Variants in SULT1C3 observed in about 807,000 individuals in gnomAD.
SULT1C3 encodes sulfotransferase family 1C member 3, also known as sulfotransferase 1C3.
A neutral mutation model predicts 28.4 loss-of-function variants in SULT1C3; 31 were observed. That is an observed-to-expected ratio of 1.09 (90% CI 0.82 to 1.47). The LOEUF is 1.47. Ranked by LOEUF, SULT1C3 falls within the 40% of genes most tolerant of loss-of-function variation. The pLI is 0.00. For synonymous variants in SULT1C3, 106 were observed against 92.2 expected (o/e 1.15, Z -0.86); for missense variants, 307 against 272.5 (o/e 1.13, Z -0.89).
At chr2:108,250,548 A>T (rs1675704193) in intron 2 of SULT1C3, among the ~76,000 whole-genome samples, 1 of 151,420 alleles carries the variant, frequency 6.6e-6, no homozygotes. Context: ...AATCCTAGAG[A>T]TTCACCCCCA....
rs1350871306 is a variant in SULT1C3 at position 108,260,829 on chromosome 2, A to T, written c.*149A>T. ...TAGTTTGCTATAATATTAAAACATG[A>T]TTTAAAATATCAACAAACCAGTTAC... On this transcript the variant is annotated 3_prime_UTR_variant, in exon 8 of 8. Transcript: ENST00000681802. 1 of 302,814 alleles carries T rather than the reference A, an allele frequency of 3.3e-6. No homozygotes were observed. The highest frequency in any genetic ancestry group is 2.2e-5 in the African/African-American group (1 of 46,228). 18.8% of individuals were successfully genotyped at this position (302,814 alleles called of 1,614,324 possible). A position where few individuals can be genotyped will look rare whatever the true frequency, so the allele number is the denominator to read the frequency against.
chr2:108,250,527 C>A (rs1157818292), intron 2 of SULT1C3, among the ~76,000 whole-genome samples: 1 of 151,822 alleles, frequency 6.6e-6, no homozygotes, highest in Admixed American at 6.6e-5. Context: ...ACCACACAAC[C>A]CAGCAACTCC....
At chr2:108,251,982 T>C (rs940218738) in intron 2 of SULT1C3, among the ~76,000 whole-genome samples, 4 of 151,974 alleles carry the variant, frequency 2.6e-5, no homozygotes, top group African/African-American at 9.7e-5. Flanking sequence ...AGTGTCATAA[T>C]ATAGGAAATG....
At chr2:108,244,020 C>T (rs945085241) in intron 1 of SULT1C3, among the ~76,000 whole-genome samples, 10 of 152,324 alleles carry the variant, frequency 6.6e-5, no homozygotes, top group African/African-American at 2.4e-4. Flanking sequence ...TGGCTTGAAC[C>T]GCAGACTTGT....
chr2:108,253,967 A>C (rs1228131418), intron 4 of SULT1C3, among the ~76,000 whole-genome samples: 2 of 151,754 alleles, frequency 1.3e-5, no homozygotes, highest in African/African-American at 2.4e-5. Flanking sequence ...TAATCTGTGC[A>C]CTACACTGCA....
intron 1 of SULT1C3, among the ~76,000 whole-genome samples, chr2:108,243,971 T>C (rs952892751): frequency 2.0e-5 from 3 of 152,168 alleles, no homozygotes; most frequent in African/African-American, 4.8e-5. Flanking sequence ...TGAAACAAGA[T>C]GGAGGCCTGT....
chr2:108,262,805 A>G (rs571726145), downstream of SULT1C3, among the ~76,000 whole-genome samples: 2 of 152,222 alleles, frequency 1.3e-5, no homozygotes, highest in Admixed American at 6.5e-5. Flanking sequence ...TCGGGCTGCT[A>G]TTTCCTGTGG....
intron 7 of SULT1C3, 23 bp from the exon 8 acceptor site, chr2:108,260,545 T>A: frequency 2.0e-6 from 1 of 507,170 alleles, no homozygotes. Context: ...GAGTCTGTCA[T>A]GAACTTCTTT....
chr2:108,260,700 G>A lies in SULT1C3; in HGVS notation c.*20G>A, dbSNP rs1380623961. The stretch of plus-strand genomic sequence containing the variant: ...ATCTGAGAGGAACAACAACAAACTA[G>A]GTGACAGAGACTATGCCAACTATTT... On this transcript the variant is annotated 3_prime_UTR_variant, in exon 8 of 8. Transcript: ENST00000681802. 2.2e-6 allele frequency: 1 copy of A among 459,542 alleles called. No homozygotes were observed. Among genetic ancestry groups the A allele is most frequent in the Non-Finnish European group, 4.4e-6 (1 of 228,358 alleles). The allele number at this position is 459,542 out of a possible 1,614,324, so 28.5% of individuals were successfully genotyped here. A position where few individuals can be genotyped will look rare whatever the true frequency, so the allele number is the denominator to read the frequency against.
chr2:108,258,895 GC>G (rs759125283), intron 6 of SULT1C3, 67 bp downstream of exon 6: 8 of 1,322,174 alleles, frequency 6.1e-6, no homozygotes, highest in Non-Finnish European at 8.5e-6. Flanking sequence ...CTGTTAAAAA[GC>G]TGTGTCTTTA....
chr2:108,254,828 C>T (rs1345681675), intron 4 of SULT1C3, among the ~76,000 whole-genome samples: 48 of 126,482 alleles, frequency 3.8e-4, no homozygotes, highest in Non-Finnish European at 6.6e-4. Flanking sequence ...TGTATATATA[C>T]ACATATATAT....
intron 1 of SULT1C3, among the ~76,000 whole-genome samples, chr2:108,246,159 G>A (rs910687327): frequency 1.3e-5 from 2 of 152,216 alleles, no homozygotes; most frequent in East Asian, 1.9e-4. Flanking sequence ...TGGCATTTTT[G>A]TCAAGGCCAT....
Position 108,260,770 on chromosome 2 carries a change from C to A in SULT1C3, c.*90C>A. ...CAAGGAACTGTGACTGAATGTGGAG[C>A]TTATGAGCTTCAGTCCATCTCCTAT... On this transcript the variant is annotated 3_prime_UTR_variant, in exon 8 of 8. Transcript: ENST00000681802. 2.4e-6 allele frequency: 1 copy of A among 411,786 alleles called. No individual in the cohort carries two copies. The highest frequency in any genetic ancestry group is 4.9e-6 in the Non-Finnish European group (1 of 204,312). The allele number at this position is 411,786 out of a possible 1,614,324, so 25.5% of individuals were successfully genotyped here. A position where few individuals can be genotyped will look rare whatever the true frequency, so the allele number is the denominator to read the frequency against.
At chr2:108,252,573 C>T (rs1419822537) in intron 3 of SULT1C3, 80 bp downstream of exon 3, 49 of 1,518,424 alleles carry the variant, frequency 3.2e-5, no homozygotes, top group Non-Finnish European at 4.0e-5. Flanking sequence ...ATAGAGCATC[C>T]GTGGTAGCCA....
At chr2:108,249,331 G>T (rs1157660556) in intron 2 of SULT1C3, among the ~76,000 whole-genome samples, 1 of 151,886 alleles carries the variant, frequency 6.6e-6, no homozygotes, top group Non-Finnish European at 1.5e-5. Flanking sequence ...AAAGGTCAAA[G>T]ACTTTTTCTC....
intron 1 of SULT1C3, among the ~76,000 whole-genome samples, chr2:108,246,230 T>G (rs1040488159): frequency 1.2e-4 from 19 of 152,172 alleles, no homozygotes. Flanking sequence ...TCTGTTCCAA[T>G]CTCTGCCTGT....
chr2:108,241,053 T>A (rs538106192), intron 1 of SULT1C3, among the ~76,000 whole-genome samples: 4 of 152,350 alleles, frequency 2.6e-5, no homozygotes, highest in Non-Finnish European at 4.4e-5. Context: ...GTTCCCAAGA[T>A]CAACATGGAG....
chr2:108,265,040 A>T (rs761572794), downstream of SULT1C3: 4 of 1,574,180 alleles, frequency 2.5e-6, no homozygotes, highest in Non-Finnish European at 3.4e-6. Context: ...TGTCAAATGG[A>T]ACTCTGTGGT....
chr2:108,247,451 G>T, intron 2 of SULT1C3, 85 bp downstream of exon 2: 3 of 1,253,140 alleles, frequency 2.4e-6, no homozygotes, highest in Non-Finnish European at 3.2e-6. Context: ...GCATGATTGG[G>T]ATTTGGAGAG....
Sources: gnomAD v4.1 joint callset for allele counts (sites outside exome capture counted in the v4.1 genomes callset) on GRCh38, gnomAD v4.1.1 for gene constraint, MANE v1.5 for transcripts, NCBI Gene and HGNC (gene_info 2026-07-23, HGNC 2026-07-21) for gene names.